The following C8orf34 variants were observed in gnomAD, a reference collection of about 807,000 sequenced individuals.
C8orf34 encodes the protein chromosome 8 open reading frame 34.
In C8orf34, 65 loss-of-function variants were observed where a neutral mutation model predicts 68.3. The ratio of observed to expected loss-of-function variants is 0.95; its 90% CI spans 0.78 to 1.17. The LOEUF is 1.17. Ranked by LOEUF, C8orf34 falls within the 50% of genes most tolerant of loss-of-function variation. The probability of loss-of-function intolerance (pLI) is 0.00; values close to 1 mark genes in which losing one functional copy is unlikely to be tolerated. For synonymous variants in C8orf34, 244 were observed against 241.2 expected (o/e 1.01, Z -0.11); for missense variants, 664 against 655.4 (o/e 1.01, Z -0.14).
At position 68,613,289 on chromosome 8, in the gene C8orf34, T is replaced by C. The variant is rs534608585; in HGVS notation, c.1106-27087T>C. Among the ~76,000 whole-genome samples the C allele has an allele frequency of 9.9e-5, 15 of 152,250 alleles. No individual in the cohort carries two copies. In the South Asian group the frequency reaches 2.9e-3, roughly 29 times the overall value. On this transcript the variant is annotated intron_variant, in intron 7 of 13. Transcript: ENST00000518698. ...TAATATCTTTTATTTTATGCCTTTT[T>C]CTTTTTATTTTATTTTATTATACTT...
intron 7 of C8orf34, among the ~76,000 whole-genome samples, chr8:68,627,744 A>G (rs1324626833): frequency 6.6e-6 from 1 of 152,178 alleles, no homozygotes; most frequent in Non-Finnish European, 1.5e-5. Flanking sequence ...AGCCTTCACA[A>G]TTTAAATAAT....
At chr8:68,601,020 C>T (rs1817683040) in intron 7 of C8orf34, among the ~76,000 whole-genome samples, 1 of 152,072 alleles carries the variant, frequency 6.6e-6, no homozygotes, top group South Asian at 2.1e-4. Flanking sequence ...GCATTTTTTG[C>T]CTTTCCATGC....
chr8:68,385,101 G>A (rs1808205465), intron 1 of C8orf34, among the ~76,000 whole-genome samples: 1 of 152,172 alleles, frequency 6.6e-6, no homozygotes, highest in Admixed American at 6.5e-5. Context: ...GAACCATGGA[G>A]TGTCCTCTTT....
At chr8:68,368,452 A>C (rs913731366) in intron 1 of C8orf34, among the ~76,000 whole-genome samples, 6 of 151,446 alleles carry the variant, frequency 4.0e-5, no homozygotes, top group Non-Finnish European at 8.8e-5. Context: ...GTTTCTTTTC[A>C]CTCTCTACAG....
chr8:68,534,988 T>C, intron 7 of C8orf34: 5 of 985,410 alleles, frequency 5.1e-6, no homozygotes, highest in Non-Finnish European at 6.0e-6. Flanking sequence ...GGTTTGGACT[T>C]TCTTCATGTA....
At chr8:68,525,389 A>C (rs1814929555) in intron 6 of C8orf34, 2 of 339,470 alleles carry the variant, frequency 5.9e-6, no homozygotes, top group Non-Finnish European at 1.1e-5. Flanking sequence ...AAATATCTAA[A>C]ACACACAAAA....
chr8:68,360,752 CTTTCT>C (rs1404822863), intron 1 of C8orf34, among the ~76,000 whole-genome samples: 2 of 144,192 alleles, frequency 1.4e-5, no homozygotes, highest in African/African-American at 5.3e-5. Context: ...CCTTTTCTTC[CTTTCT>C]TTTTTTTTTT....
chr8:68,349,868 C>G (rs539162002), intron 1 of C8orf34, among the ~76,000 whole-genome samples: 4 of 151,588 alleles, frequency 2.6e-5, no homozygotes, highest in Non-Finnish European at 5.9e-5. Context: ...CTTCATTAGT[C>G]TAGCTAGTGG....
At chr8:68,750,847 G>C (rs898886761) in intron 10 of C8orf34, among the ~76,000 whole-genome samples, 1 of 151,998 alleles carries the variant, frequency 6.6e-6, no homozygotes, top group African/African-American at 2.4e-5. Flanking sequence ...AATTTTTATA[G>C]TACTCCAACT....
chr8:68,605,161 T>C (rs1009973715), intron 7 of C8orf34, among the ~76,000 whole-genome samples: 3 of 152,098 alleles, frequency 2.0e-5, no homozygotes, highest in Non-Finnish European at 4.4e-5. Context: ...CAATGAGATG[T>C]TACTACACAC....
intron 10 of C8orf34, among the ~76,000 whole-genome samples, chr8:68,727,579 T>C (rs774986944): frequency 2.6e-5 from 4 of 152,254 alleles, no homozygotes; most frequent in Non-Finnish European, 4.4e-5. Flanking sequence ...AGGTTCTCCA[T>C]ACAGGCCCTG....
rs906736713 is a variant in C8orf34, at chr8:68,677,728, A to G, written c.1242-31266A>G. ...CAAAAATAGTAGAAGAAAAGAAATA[A>G]TAATGATCAGAGTACAAATAAATGA... On this transcript the variant is annotated intron_variant, in intron 8 of 13. Transcript: ENST00000518698. Among the ~76,000 whole-genome samples, 3 of 152,200 alleles carry G rather than the reference A, an allele frequency of 2.0e-5. 1 individual carries two copies. Among genetic ancestry groups the G allele is most frequent in the African/African-American group, 2.4e-5 (1 of 41,456 alleles).
chr8:68,595,000 A>G (rs1369200072), intron 7 of C8orf34, among the ~76,000 whole-genome samples: 1 of 151,466 alleles, frequency 6.6e-6, no homozygotes, highest in Admixed American at 6.6e-5. Context: ...ATCTTTTCCT[A>G]TCACTTTTGA....
At chr8:68,546,316 A>G (rs1432434476) in intron 7 of C8orf34, among the ~76,000 whole-genome samples, 5 of 152,012 alleles carry the variant, frequency 3.3e-5, no homozygotes, top group African/African-American at 9.7e-5. Context: ...TAAGCTCACT[A>G]TAAGATTCAC....
At chr8:68,633,063 T>A (rs368377643) in intron 7 of C8orf34, among the ~76,000 whole-genome samples, 1 of 152,174 alleles carries the variant, frequency 6.6e-6, no homozygotes, top group African/African-American at 2.4e-5. Flanking sequence ...CAGAGAGTTT[T>A]AAAAAATAAT....
chr8:68,780,107 A>C (rs933264621), intron 11 of C8orf34, among the ~76,000 whole-genome samples: 27 of 152,202 alleles, frequency 1.8e-4, no homozygotes, highest in African/African-American at 6.5e-4. Flanking sequence ...TGGCAAATTT[A>C]ATCACTATCC....
chr8:68,407,984 C>T (rs919754186), intron 1 of C8orf34, among the ~76,000 whole-genome samples: 1 of 152,122 alleles, frequency 6.6e-6, no homozygotes, highest in African/African-American at 2.4e-5. Flanking sequence ...GGGCCATGGA[C>T]TGTTACAGGT....
intron 3 of C8orf34, chr8:68,447,615 A>G (rs932157957): frequency 1.3e-5 from 2 of 152,176 alleles, no homozygotes; most frequent in African/African-American, 4.8e-5. Context: ...GGCAGAAAAT[A>G]TTTATCTTTG....
chr8:68,803,559 G>A (rs973466634), intron 12 of C8orf34, among the ~76,000 whole-genome samples: 9 of 151,832 alleles, frequency 5.9e-5, no homozygotes, highest in East Asian at 1.9e-4. Flanking sequence ...AATTACTGAA[G>A]CATTTCTCTT....
Sources: gnomAD v4.1 joint callset for allele counts (sites outside exome capture counted in the v4.1 genomes callset) on GRCh38, gnomAD v4.1.1 for gene constraint, MANE v1.5 for transcripts, NCBI Gene and HGNC (gene_info 2026-07-23, HGNC 2026-07-21) for gene names.